Variants in PXT1 observed in about 807,000 individuals in gnomAD.
The protein encoded by PXT1 is peroxisomal testis enriched protein 1, also known as peroxisomal testis-specific protein 1.
A neutral mutation model predicts 11.0 loss-of-function variants in PXT1; 11 were observed. The observed-to-expected ratio is 1.00, with a 90% CI of 0.63 to 1.66. The LOEUF (loss-of-function observed/expected upper bound fraction) is 1.66. Ranked by LOEUF, PXT1 falls within the 40% of genes most tolerant of loss-of-function variation. PXT1 has a pLI of 0.00. For synonymous variants in PXT1, 43 were observed against 51.4 expected (o/e 0.84, Z 0.70); for missense variants, 141 against 155.5 (o/e 0.91, Z 0.49).
chr6:36,402,435 A>C (rs1026965657), intron 3 of PXT1, among the ~76,000 whole-genome samples: 1 of 152,200 alleles, frequency 6.6e-6, no homozygotes, highest in African/African-American at 2.4e-5. Flanking sequence ...AGGACCTTTG[A>C]TTTTCAGCCT....
intron 3 of PXT1, among the ~76,000 whole-genome samples, chr6:36,417,078 G>T (rs756560138): frequency 5.9e-5 from 9 of 152,186 alleles, no homozygotes; most frequent in African/African-American, 2.2e-4. Context: ...GGGCACAGTG[G>T]CTCACGCCTG....
intron 2 of PXT1, among the ~76,000 whole-genome samples, chr6:36,438,536 G>A (rs988871130): frequency 1.2e-4 from 18 of 152,012 alleles, no homozygotes; most frequent in Non-Finnish European, 2.4e-4. Flanking sequence ...CCATTCTCCC[G>A]CCTCAGCCTC....
intron 4 of PXT1, among the ~76,000 whole-genome samples, chr6:36,397,014 C>A (rs1035616415): frequency 7.2e-5 from 11 of 152,108 alleles, no homozygotes; most frequent in African/African-American, 2.7e-4. Flanking sequence ...CTGCTGAGAA[C>A]TGAACACTCA....
At chr6:36,392,000 T>A (rs752228406) in intron 4 of PXT1, 126 bp from the exon 5 acceptor site, 1 of 655,772 alleles carries the variant, frequency 1.5e-6, no homozygotes, top group African/African-American at 1.8e-5. Flanking sequence ...AACAAGCTTC[T>A]TGGGTTGCTT....
In PXT1 at chr6:36,394,800, GA is replaced by G. The variant is rs1019550604; in HGVS notation, c.301-2927del. 2.7e-5 allele frequency among the ~76,000 whole-genome samples: 4 copies of G among 150,506 alleles called. No homozygotes were observed. In the East Asian group the frequency reaches 7.7e-4, roughly 29 times the overall value. ...CACACAACTCAATGGCAAAATAGAA[GA>G]TTTTTTTTTTCTTTTTCAGATTCAG... On this transcript the variant is annotated intron_variant, in intron 4 of 4. Coordinates refer to ENST00000454782, the MANE Select transcript of PXT1 (RefSeq NM_152990.4).
In PXT1 at chr6:36,400,252, C is replaced by T. The variant is rs115639569; in HGVS notation, c.300+202G>A. The stretch of plus-strand genomic sequence containing the variant: ...GATGCTGATGCTGCCAGTCCACAGA[C>T]CACAGTCTGAGTAGCAAGTATGAGA... On this transcript the variant is annotated intron_variant, in intron 4 of 4. Coordinates refer to ENST00000454782, the MANE Select transcript of PXT1 (RefSeq NM_152990.4). 8.3e-3 allele frequency among the ~76,000 whole-genome samples: 1,257 copies of T among 152,290 alleles called. 16 individuals are homozygous for T. The highest frequency in any genetic ancestry group is 0.029 in the African/African-American group (1,200 of 41,536).
chr6:36,418,901 G>A (rs1774487825), intron 3 of PXT1, among the ~76,000 whole-genome samples: 1 of 152,218 alleles, frequency 6.6e-6, no homozygotes, highest in African/African-American at 2.4e-5. Context: ...AGTAAAGAGT[G>A]GCAGGGGGGA....
chr6:36,417,024 T>C (rs1028206766), intron 3 of PXT1, among the ~76,000 whole-genome samples: 4 of 152,158 alleles, frequency 2.6e-5, no homozygotes, highest in African/African-American at 9.7e-5. Flanking sequence ...ATTATTTAAG[T>C]TTATGAAGAC....
intron 3 of PXT1, among the ~76,000 whole-genome samples, chr6:36,415,309 G>A (rs1774432398): frequency 6.6e-6 from 1 of 152,136 alleles, no homozygotes; most frequent in Admixed American, 6.6e-5. Flanking sequence ...CAGACATGGT[G>A]GCGCGTGCCT....
intron 2 of PXT1, among the ~76,000 whole-genome samples, chr6:36,432,731 T>G (rs1189168897): frequency 6.6e-6 from 1 of 152,174 alleles, no homozygotes; most frequent in Non-Finnish European, 1.5e-5. Flanking sequence ...CCCTATCTAA[T>G]GTAATCAAGC....
intron 3 of PXT1, among the ~76,000 whole-genome samples, chr6:36,424,979 C>T (rs149146827): frequency 3.7e-4 from 56 of 152,242 alleles, no homozygotes; most frequent in African/African-American, 1.3e-3. Context: ...TTCCCTTTCT[C>T]AAGTGGCATG....
chr6:36,397,924 G>A (rs1185209008), intron 4 of PXT1, among the ~76,000 whole-genome samples: 1 of 151,986 alleles, frequency 6.6e-6, no homozygotes, highest in Non-Finnish European at 1.5e-5. Context: ...GCTGAGGTGG[G>A]AGGATCAATT....
intron 3 of PXT1, among the ~76,000 whole-genome samples, chr6:36,410,978 T>C (rs991237067): frequency 1.3e-5 from 2 of 152,228 alleles, no homozygotes; most frequent in Admixed American, 6.5e-5. Context: ...GCTTCTTCAT[T>C]TGTAAAATGG....
At chr6:36,412,428 G>A (rs913799943) in intron 3 of PXT1, among the ~76,000 whole-genome samples, 5 of 151,828 alleles carry the variant, frequency 3.3e-5, no homozygotes, top group African/African-American at 4.8e-5. Context: ...TCGGGAGGCC[G>A]AGGTGGGCGG....
intron 3 of PXT1, among the ~76,000 whole-genome samples, chr6:36,404,033 A>G (rs932649910): frequency 2.6e-5 from 4 of 152,214 alleles, no homozygotes; most frequent in Non-Finnish European, 5.9e-5. Flanking sequence ...AGGAGAGTTT[A>G]TAAGGGTGAT....
intron 2 of PXT1, among the ~76,000 whole-genome samples, chr6:36,430,661 C>T (rs1348608929): frequency 1.3e-5 from 2 of 152,108 alleles, no homozygotes; most frequent in Non-Finnish European, 2.9e-5. Flanking sequence ...ACTTCTGACC[C>T]CTAGAACTGT....
At chr6:36,404,994 G>C (rs1337157048) in intron 3 of PXT1, among the ~76,000 whole-genome samples, 1 of 152,074 alleles carries the variant, frequency 6.6e-6, no homozygotes, top group East Asian at 1.9e-4. Context: ...ACAGCCTCAG[G>C]CAGGTCCTTC....
At chr6:36,415,939 T>C (rs529300104) in intron 3 of PXT1, among the ~76,000 whole-genome samples, 13 of 152,222 alleles carry the variant, frequency 8.5e-5, no homozygotes, top group Admixed American at 1.3e-4. Context: ...GATTCAGGTA[T>C]TTACCCCTGA....
intron 3 of PXT1, 109 bp downstream of exon 3, chr6:36,425,805 A>ACAAACAAACAAC: frequency 6.0e-6 from 2 of 334,960 alleles, no homozygotes; most frequent in Non-Finnish European, 5.0e-6. Context: ...AAAAACAAAA[A>ACAAACAAACAAC]ATATATATAT....
Sources: allele counts gnomAD v4.1 joint callset (sites outside exome capture counted in the v4.1 genomes callset), GRCh38; gene constraint gnomAD v4.1.1; transcripts MANE v1.5; gene names NCBI Gene and HGNC (gene_info 2026-07-23, HGNC 2026-07-21).